Variants in GCNT1 observed in about 807,000 individuals in gnomAD.
GCNT1 encodes beta-1,3-galactosyl-O-glycosyl-glycoprotein beta-1,6-N-acetylglucosaminyltransferase.
In GCNT1, 16 loss-of-function variants were observed where a neutral mutation model predicts 26.2. That is an observed-to-expected ratio of 0.61 (90% CI 0.41 to 0.93). The LOEUF is 0.93. Among genes scored for constraint, GCNT1 ranks in the 40% least tolerant of loss-of-function variants. The pLI is 0.00. For synonymous variants in GCNT1, 183 were observed against 190.8 expected (o/e 0.96, Z 0.34); for missense variants, 477 against 526.7 (o/e 0.91, Z 0.92).
chr9:76,457,505 T>C (rs532013882), upstream of GCNT1, among the ~76,000 whole-genome samples: 2 of 152,276 alleles, frequency 1.3e-5, no homozygotes, highest in South Asian at 4.1e-4. Flanking sequence ...CACCTCGGCC[T>C]CCCAAAGTGC....
intron 2 of GCNT1, among the ~76,000 whole-genome samples, chr9:76,490,984 C>T (rs1232927155): frequency 6.6e-6 from 1 of 152,270 alleles, no homozygotes; most frequent in Admixed American, 6.5e-5. Context: ...CAAGGTGGTA[C>T]TGGAGTGTTA....
upstream of GCNT1, among the ~76,000 whole-genome samples, chr9:76,415,344 A>C (rs746923864): frequency 7.9e-5 from 12 of 152,172 alleles, no homozygotes; most frequent in Non-Finnish European, 1.3e-4. Flanking sequence ...GGCATGAGTC[A>C]CCACACCTGA....
At chr9:76,399,432 T>C in the GCNT1 span, 1 of 1,524,570 alleles carries the variant, frequency 6.6e-7, no homozygotes. Context: ...CAGCCTGAGG[T>C]TGCAGACTGG....
chr9:76,470,708 T>C (rs948714490), intron 2 of GCNT1, among the ~76,000 whole-genome samples: 2 of 152,104 alleles, frequency 1.3e-5, no homozygotes, highest in Admixed American at 6.5e-5. Context: ...CCATAATGTA[T>C]ACATCTATCA....
chr9:76,414,872 C>A (rs1823119271), upstream of GCNT1, among the ~76,000 whole-genome samples: 1 of 152,082 alleles, frequency 6.6e-6, no homozygotes, highest in Admixed American at 6.6e-5. Flanking sequence ...CGTGTGATAC[C>A]AGTCCTGTTC....
chr9:76,402,966 C>T, the GCNT1 span, among the ~76,000 whole-genome samples: 1 of 152,178 alleles, frequency 6.6e-6, no homozygotes, highest in African/African-American at 2.4e-5. Flanking sequence ...GCATGAGCCA[C>T]CGTGCCCAGC....
chr9:76,459,176 CG>C (rs1823816162), upstream of GCNT1: 3 of 152,342 alleles, frequency 2.0e-5, no homozygotes, highest in South Asian at 6.2e-4. Context: ...GGCCCCGGGG[CG>C]GGCCACGCTG....
upstream of GCNT1, among the ~76,000 whole-genome samples, chr9:76,456,830 C>T (rs1005345281): frequency 2.6e-5 from 4 of 151,986 alleles, no homozygotes; most frequent in South Asian, 2.1e-4. Flanking sequence ...AAAAAATTAC[C>T]GGGCATGGTG....
At chr9:76,406,868 C>T in the GCNT1 span, among the ~76,000 whole-genome samples, 2 of 151,724 alleles carry the variant, frequency 1.3e-5, no homozygotes, top group African/African-American at 4.8e-5. Context: ...TGGCAAAATC[C>T]AGTTTCTATT....
chr9:76,444,519 T>A (rs1015788043), intron 1 of GCNT1, among the ~76,000 whole-genome samples: 4 of 152,114 alleles, frequency 2.6e-5, no homozygotes, highest in African/African-American at 2.4e-5. Context: ...GGAGTGACGA[T>A]TTGTCTGAAA....
At chr9:76,436,271 G>A (rs985175045) in intron 1 of GCNT1, among the ~76,000 whole-genome samples, 1 of 151,914 alleles carries the variant, frequency 6.6e-6, no homozygotes, top group Non-Finnish European at 1.5e-5. Flanking sequence ...GGTGTTTGAG[G>A]AACATACCTT....
intron 2 of GCNT1, among the ~76,000 whole-genome samples, chr9:76,463,278 A>G (rs569350388): frequency 6.6e-6 from 1 of 152,290 alleles, no homozygotes; most frequent in East Asian, 1.9e-4. Context: ...CCCTTGTTAA[A>G]AAAATTAAGA....
the GCNT1 span, among the ~76,000 whole-genome samples, chr9:76,411,917 T>C: frequency 6.6e-6 from 1 of 151,648 alleles, no homozygotes; most frequent in Non-Finnish European, 1.5e-5. Flanking sequence ...GGCCAGGCTG[T>C]TCTCAAACTC....
intron 1 of GCNT1, among the ~76,000 whole-genome samples, chr9:76,453,879 C>T (rs1823710430): frequency 1.3e-5 from 2 of 151,944 alleles, no homozygotes; most frequent in South Asian, 4.2e-4. Context: ...TGGATCACAG[C>T]AATGAGAACT....
At chr9:76,448,987 T>C (rs547106138) in intron 1 of GCNT1, among the ~76,000 whole-genome samples, 73 of 152,326 alleles carry the variant, frequency 4.8e-4, no homozygotes, top group African/African-American at 1.5e-3. Context: ...TTTTATGTTT[T>C]TCCAAAATGG....
In GCNT1 at chr9:76,422,358, G is replaced by A. The variant is rs190745196; in HGVS notation, n.38+2471G>A. Among the ~76,000 whole-genome samples the A allele has an allele frequency of 3.0e-4, 45 of 152,082 alleles. No homozygotes were observed. In the East Asian group the frequency reaches 5.6e-3, roughly 19 times the overall value. ...TGCCAGGATTACAGGTGTGAACCAC[G>A]GCACTCAGCAGTAGCATCTTAATCT... On this transcript the variant is annotated intron_variant and non_coding_transcript_variant, in intron 1 of 3. Transcript: ENST00000488136.
chr9:76,498,602 G>A (rs995282895), intron 2 of GCNT1, among the ~76,000 whole-genome samples: 4 of 152,020 alleles, frequency 2.6e-5, no homozygotes, highest in African/African-American at 4.8e-5. Flanking sequence ...ATGAAACCCC[G>A]TCTCTACTAA....
At chr9:76,407,537 C>T in the GCNT1 span, among the ~76,000 whole-genome samples, 5,119 of 152,196 alleles carry the variant, frequency 0.034, 104 homozygotes, top group Non-Finnish European at 0.048. Flanking sequence ...TATAGTAAAT[C>T]GTGAAGTCAG....
In GCNT1 at chr9:76,493,598, G is replaced by A. The variant is rs138980423; in HGVS notation, c.-289-7318G>A. 3.8e-4 allele frequency among the ~76,000 whole-genome samples: 58 copies of A among 152,230 alleles called. No individual in the cohort carries two copies. The East Asian group carries it at 9.8e-3, about 26-fold the overall frequency. On this transcript the variant is annotated intron_variant, in intron 2 of 3. Transcript: ENST00000376730. Reference sequence around the variant, plus strand: ...AAGGGGACATAACTGATAGCCTGGGGGTTTTTGTGGTCCTTTGGAGATTTC... The same window carrying A: ...AAGGGGACATAACTGATAGCCTGGGAGTTTTTGTGGTCCTTTGGAGATTTC...
Sources: gnomAD v4.1 joint callset for allele counts (sites outside exome capture counted in the v4.1 genomes callset) on GRCh38, gnomAD v4.1.1 for gene constraint, MANE v1.5 for transcripts, NCBI Gene and HGNC (gene_info 2026-07-23, HGNC 2026-07-21) for gene names.